Variants in DLGAP2 observed in about 807,000 individuals in gnomAD.
DLGAP2 encodes disks large-associated protein 2.
Under a neutral mutation model 100.3 loss-of-function variants are expected in DLGAP2, and 26 were observed. The ratio of observed to expected loss-of-function variants is 0.26; its 90% confidence interval spans 0.19 to 0.36. DLGAP2 has a LOEUF of 0.36. Ranked by LOEUF, DLGAP2 falls within the 10% of genes least tolerant of loss-of-function variation. DLGAP2 has a pLI of 1.00. For missense variants in DLGAP2, 1,858 were observed against 1,453.2 expected (o/e 1.28, Z -4.53); for synonymous variants, 886 against 630.1 (o/e 1.41, Z -6.08).
chr8:1,696,574 G>T (rs897125013), intron 13 of DLGAP2, among the ~76,000 whole-genome samples: 1 of 152,216 alleles, frequency 6.6e-6, no homozygotes, highest in Non-Finnish European at 1.5e-5. Context: ...AACCAAGCAC[G>T]TCTCTGGGCC....
intron 2 of DLGAP2, among the ~76,000 whole-genome samples, chr8:1,009,270 A>G (rs1173264504): frequency 6.6e-6 from 1 of 152,210 alleles, no homozygotes; most frequent in African/African-American, 2.4e-5. Context: ...TTGTTCGTCA[A>G]GTCCCAGCAG....
chr8:1,058,708 A>T (rs1046564674), intron 2 of DLGAP2, among the ~76,000 whole-genome samples: 1 of 152,182 alleles, frequency 6.6e-6, no homozygotes, highest in African/African-American at 2.4e-5. Context: ...TGTGGTTGTC[A>T]CCTCTTAAGA....
At chr8:974,062 C>A (rs932398531) in intron 2 of DLGAP2, among the ~76,000 whole-genome samples, 4 of 151,680 alleles carry the variant, frequency 2.6e-5, no homozygotes, top group Admixed American at 6.6e-5. Context: ...AATGGTAATA[C>A]CAGAAAGAGA....
At chr8:759,113 CTTCCCATTATCAATACCCCTGACAGCT>C (rs1821000347) in intron 1 of DLGAP2, among the ~76,000 whole-genome samples, 24 of 23,472 alleles carry the variant, frequency 1.0e-3, no homozygotes, top group African/African-American at 1.7e-3. Context: ...CCCCGACAGC[CTTCCCATTATCAATACCCCTGACAGCT>C]TTCCCATTAT....
intron 3 of DLGAP2, among the ~76,000 whole-genome samples, chr8:1,263,709 T>A (rs1276001833): frequency 6.6e-6 from 1 of 152,176 alleles, no homozygotes; most frequent in African/African-American, 2.4e-5. Flanking sequence ...ATGATAGGAT[T>A]GCTTCTTGAA....
intron 2 of DLGAP2, among the ~76,000 whole-genome samples, chr8:999,182 C>T (rs550735344): frequency 1.6e-4 from 25 of 151,636 alleles, no homozygotes; most frequent in African/African-American, 5.8e-4. Context: ...CTGTCCAGTC[C>T]CCTCCTCACG....
At chr8:883,465 T>G (rs553736253) in intron 1 of DLGAP2, 124 of 152,228 alleles carry the variant, frequency 8.1e-4, no homozygotes, top group African/African-American at 2.3e-3. Flanking sequence ...CAATAATGCT[T>G]TTATTACTTG....
chr8:859,406 C>T (rs1177543288), intron 1 of DLGAP2, among the ~76,000 whole-genome samples: 1 of 152,182 alleles, frequency 6.6e-6, no homozygotes, highest in African/African-American at 2.4e-5. Flanking sequence ...GCCAGCACAC[C>T]TGGCCCTGTC....
At chr8:1,641,036 G>T (rs1050954217) in intron 8 of DLGAP2, among the ~76,000 whole-genome samples, 1 of 152,154 alleles carries the variant, frequency 6.6e-6, no homozygotes, top group South Asian at 2.1e-4. Flanking sequence ...TGGCTGTGGG[G>T]AAGGAGAAGC....
intron 2 of DLGAP2, among the ~76,000 whole-genome samples, chr8:1,068,840 C>G (rs1169838777): frequency 2.0e-5 from 3 of 152,104 alleles, no homozygotes; most frequent in East Asian, 1.9e-4. Context: ...CCCATCCTCT[C>G]CCTGAGCTTG....
intron 3 of DLGAP2, among the ~76,000 whole-genome samples, chr8:1,418,995 C>G (rs1797015623): frequency 6.6e-6 from 1 of 152,248 alleles, no homozygotes; most frequent in Non-Finnish European, 1.5e-5. Flanking sequence ...TCAGGCACAG[C>G]CGAACGAAGG....
chr8:781,982 G>A (rs1028576107), intron 1 of DLGAP2, among the ~76,000 whole-genome samples: 11 of 152,150 alleles, frequency 7.2e-5, no homozygotes, highest in African/African-American at 2.6e-4. Context: ...ACAGTTAAAA[G>A]GAAAGAGAAA....
At chr8:1,670,045 G>A (rs910194824) in intron 10 of DLGAP2, among the ~76,000 whole-genome samples, 2 of 152,088 alleles carry the variant, frequency 1.3e-5, no homozygotes, top group African/African-American at 2.4e-5. Context: ...CTCCGTCTCC[G>A]TCTCCAGGGT....
chr8:1,572,507 C>A (rs1250008786), intron 6 of DLGAP2, among the ~76,000 whole-genome samples: 156 of 69,158 alleles, frequency 2.3e-3, no homozygotes, highest in Middle Eastern at 0.014. Flanking sequence ...GGGGCATCTT[C>A]TGGGATGGAG....
chr8:808,094 C>G (rs780053427), intron 1 of DLGAP2, among the ~76,000 whole-genome samples: 4 of 152,322 alleles, frequency 2.6e-5, no homozygotes, highest in Non-Finnish European at 2.9e-5. Flanking sequence ...TCAGCCTTAC[C>G]TGTCATATGG....
chr8:1,224,499 G>A (rs1327762874), intron 2 of DLGAP2, among the ~76,000 whole-genome samples: 2 of 152,070 alleles, frequency 1.3e-5, no homozygotes. Flanking sequence ...TTGTGTGAAA[G>A]AGTAGACCAG....
intron 1 of DLGAP2, among the ~76,000 whole-genome samples, chr8:751,629 T>C (rs1360528089): frequency 1.1e-5 from 1 of 88,294 alleles, no homozygotes; most frequent in Admixed American, 1.1e-4. Flanking sequence ...TAAGTCCTTA[T>C]AGGAAGTTCA....
At chr8:1,368,856 C>G (rs1462988708) in intron 3 of DLGAP2, 1 of 152,210 alleles carries the variant, frequency 6.6e-6, no homozygotes, top group South Asian at 2.1e-4. Context: ...ATTCCTGATG[C>G]TCTCCCAGCA....
chr8:1,374,717 T>A (rs1372185628), intron 3 of DLGAP2, among the ~76,000 whole-genome samples: 1 of 152,202 alleles, frequency 6.6e-6, no homozygotes, highest in Non-Finnish European at 1.5e-5. Flanking sequence ...TTGTTTTACT[T>A]TGCATTATCA....
Sources: gnomAD v4.1 joint callset for allele counts (sites outside exome capture counted in the v4.1 genomes callset) on GRCh38, gnomAD v4.1.1 for gene constraint, MANE v1.5 for transcripts, NCBI Gene and HGNC (gene_info 2026-07-23, HGNC 2026-07-21) for gene names.